Variants in RCAN1 observed in about 807,000 individuals in gnomAD.
RCAN1 encodes regulator of calcineurin 1.
In RCAN1, 11 loss-of-function variants were observed where a neutral mutation model predicts 22.9. The observed-to-expected ratio is 0.48, with a 90% CI of 0.30 to 0.79. The LOEUF (loss-of-function observed/expected upper bound fraction) is 0.79. RCAN1 is among the 30% of genes least tolerant of loss of function. The pLI, the probability that RCAN1 is intolerant of heterozygous loss-of-function variation, is 0.06. For missense variants in RCAN1, 291 were observed against 337.8 expected (o/e 0.86, Z 1.09); for synonymous variants, 136 against 142.3 (o/e 0.96, Z 0.32).
rs570983786 is a variant in RCAN1, at chr21:34,600,766, C to A, written c.252+13994G>T. On this transcript the variant is annotated intron_variant, in intron 1 of 3. Coordinates refer to ENST00000313806, the MANE Select transcript of RCAN1 (RefSeq NM_004414.7). ...CAACTTTGTAGCAAAGCTCATTTCA[C>A]ATTAAAACATCCTTTTAGCAAAGTC... Among the ~76,000 whole-genome samples, 8 of 152,312 alleles carry A rather than the reference C, an allele frequency of 5.3e-5. No individual in the cohort carries two copies. In the East Asian group the frequency reaches 1.3e-3, roughly 26 times the overall value.
At chr21:34,565,455 C>T (rs1321090219) in intron 1 of RCAN1, among the ~76,000 whole-genome samples, 1 of 152,186 alleles carries the variant, frequency 6.6e-6, no homozygotes, top group African/African-American at 2.4e-5. Context: ...GTCACCTATC[C>T]TATCCCGTGC....
Position 34,615,094 on chromosome 21 carries a change from C to T in RCAN1, c.-83G>A. The T allele has an allele frequency of 1.0e-6, 1 of 993,616 alleles. No homozygotes were observed. Among genetic ancestry groups the T allele is most frequent in the African/African-American group, 1.7e-5 (1 of 57,404 alleles). 61.5% of individuals were successfully genotyped at this position (993,616 alleles called of 1,614,324 possible). A position where few individuals can be genotyped will look rare whatever the true frequency, so the allele number is the denominator to read the frequency against. On this transcript the variant is annotated 5_prime_UTR_variant, in exon 1 of 4. Transcript: ENST00000313806. ...AGCCTCACGCGCTCCGGTCCGCGCC[C>T]GGCCGGCGGCTCCGCCGTTAACCCC... is the stretch of plus-strand genomic sequence containing the variant.
At chr21:34,578,630 T>C (rs1458142634) in intron 1 of RCAN1, among the ~76,000 whole-genome samples, 1 of 152,152 alleles carries the variant, frequency 6.6e-6, no homozygotes, top group Non-Finnish European at 1.5e-5. Context: ...GGAATGGACC[T>C]GCCCAGGGAG....
At chr21:34,538,971 A>C (rs1331183839) in intron 1 of RCAN1, among the ~76,000 whole-genome samples, 1 of 152,220 alleles carries the variant, frequency 6.6e-6, no homozygotes, top group African/African-American at 2.4e-5. Context: ...AAGTCTCAGA[A>C]ATGTGACAGC....
At chr21:34,607,114 G>A (rs1478851324) in intron 1 of RCAN1, among the ~76,000 whole-genome samples, 1 of 152,190 alleles carries the variant, frequency 6.6e-6, no homozygotes, top group Non-Finnish European at 1.5e-5. Context: ...GCTGAAATTA[G>A]TAACAAAAGG....
intron 1 of RCAN1, among the ~76,000 whole-genome samples, chr21:34,553,154 C>T (rs1986430621): frequency 6.6e-6 from 1 of 152,154 alleles, no homozygotes; most frequent in African/African-American, 2.4e-5. Context: ...GTAGCAGCAA[C>T]TCTGCGGAAG....
rs555723091 is a variant in RCAN1 at position 34,596,363 on chromosome 21, C to T, written c.252+18397G>A. On this transcript the variant is annotated intron_variant, in intron 1 of 3. Transcript: ENST00000313806. ...CGACTGGGAGGGAAGGCTGAGGAGA[C>T]CCACAGGGGCCCAGGGACTGATGCA... is the stretch of plus-strand genomic sequence containing the variant. Among the ~76,000 whole-genome samples the T allele has an allele frequency of 7.2e-5, 11 of 152,250 alleles. No individual in the cohort carries two copies. In the South Asian group the frequency reaches 1.0e-3, roughly 14 times the overall value.
chr21:34,558,841 T>C (rs917893764), intron 1 of RCAN1, among the ~76,000 whole-genome samples: 12 of 152,154 alleles, frequency 7.9e-5, no homozygotes, highest in African/African-American at 2.9e-4. Flanking sequence ...AAAGGCTCCC[T>C]GGGCTCCAAT....
intron 1 of RCAN1, among the ~76,000 whole-genome samples, chr21:34,601,945 T>C (rs190685339): frequency 1.8e-3 from 273 of 151,970 alleles, no homozygotes; most frequent in Non-Finnish European, 3.2e-3. Context: ...TGAAAATTAC[T>C]AAGATTAATA....
At chr21:34,520,566 C>T (rs917896731) in intron 3 of RCAN1, among the ~76,000 whole-genome samples, 4 of 152,170 alleles carry the variant, frequency 2.6e-5, no homozygotes, top group African/African-American at 9.6e-5. Context: ...AAACAAAACC[C>T]TCAACCCAAG....
At chr21:34,536,739 GA>G (rs1985690878) in intron 1 of RCAN1, among the ~76,000 whole-genome samples, 2 of 152,076 alleles carry the variant, frequency 1.3e-5, no homozygotes, top group African/African-American at 2.4e-5. Context: ...GAGGGAAGGG[GA>G]AAAAAATGAG....
intron 1 of RCAN1, among the ~76,000 whole-genome samples, chr21:34,592,746 A>G (rs1988016863): frequency 6.6e-6 from 1 of 152,114 alleles, no homozygotes; most frequent in South Asian, 2.1e-4. Context: ...AAGAAAAAAC[A>G]TTTCTTGGCT....
chr21:34,607,016 G>A (rs1988546224), intron 1 of RCAN1, among the ~76,000 whole-genome samples: 1 of 152,162 alleles, frequency 6.6e-6, no homozygotes, highest in Non-Finnish European at 1.5e-5. Flanking sequence ...TAATATTTTT[G>A]TCTCTTAATC....
At chr21:34,535,066 G>T (rs1431068761) in intron 1 of RCAN1, among the ~76,000 whole-genome samples, 3 of 152,214 alleles carry the variant, frequency 2.0e-5, no homozygotes, top group Non-Finnish European at 4.4e-5. Context: ...GCATATAGGA[G>T]AATTTGTATA....
intron 1 of RCAN1, among the ~76,000 whole-genome samples, chr21:34,575,401 T>C (rs1259664632): frequency 6.6e-6 from 1 of 152,234 alleles, no homozygotes; most frequent in Non-Finnish European, 1.5e-5. Context: ...CCAAGCACTA[T>C]GGCTGAGACG....
At chr21:34,597,091 G>A (rs1034215445) in intron 1 of RCAN1, among the ~76,000 whole-genome samples, 3 of 152,144 alleles carry the variant, frequency 2.0e-5, no homozygotes, top group Non-Finnish European at 4.4e-5. Flanking sequence ...TGGGCACAAT[G>A]AGTGGCCACC....
chr21:34,574,266 A>G (rs1385516996), intron 1 of RCAN1, among the ~76,000 whole-genome samples: 1 of 152,254 alleles, frequency 6.6e-6, no homozygotes, highest in African/African-American at 2.4e-5. Flanking sequence ...GAGCTTTCCT[A>G]GAAGTTCTGA....
At chr21:34,552,942 T>C (rs531522364) in intron 1 of RCAN1, among the ~76,000 whole-genome samples, 6 of 152,368 alleles carry the variant, frequency 3.9e-5, no homozygotes, top group East Asian at 1.9e-4. Flanking sequence ...CGCAAGTTTT[T>C]CTTTTTCTCT....
At chr21:34,576,900 T>C (rs1573465) in intron 1 of RCAN1, among the ~76,000 whole-genome samples, 42,290 of 152,192 alleles carry the variant, frequency 0.28, 6,612 homozygotes, top group East Asian at 0.47. Context: ...ATTGATCACA[T>C]ATAACATGGC....
Sources: allele counts gnomAD v4.1 joint callset (sites outside exome capture counted in the v4.1 genomes callset), GRCh38; gene constraint gnomAD v4.1.1; transcripts MANE v1.5; gene names NCBI Gene and HGNC (gene_info 2026-07-23, HGNC 2026-07-21).